CEP83: variants seen among roughly 807,000 people sequenced by gnomAD.
CEP83 encodes the protein centrosomal protein of 83 kDa.
In CEP83, 70 loss-of-function variants were observed where a neutral mutation model predicts 101.9. The ratio of observed to expected loss-of-function variants is 0.69; its 90% CI spans 0.57 to 0.84. CEP83 has a LOEUF of 0.84. Ranked by LOEUF, CEP83 falls within the 40% of genes least tolerant of loss-of-function variation. The pLI is 0.00. For missense variants in CEP83, 715 were observed against 787.2 expected, an observed-to-expected ratio of 0.91 and a Z score of 1.10; for synonymous variants, 264 against 267.9, an observed-to-expected ratio of 0.99 and a Z score of 0.14.
chr12:94,362,836 T>C (rs2040963685), intron 11 of CEP83, among the ~76,000 whole-genome samples: 1 of 152,200 alleles, frequency 6.6e-6, no homozygotes, highest in Non-Finnish European at 1.5e-5. Context: ...ATATAAACAA[T>C]GGAATACTAT....
At chr12:94,441,914 C>CAAAAAAA (rs370968833) in intron 1 of CEP83, among the ~76,000 whole-genome samples, 3 of 61,810 alleles carry the variant, frequency 4.9e-5, no homozygotes, top group Non-Finnish European at 6.4e-5. Context: ...GACTCCGTCT[C>CAAAAAAA]AAAAAAAAAA....
chr12:94,380,574 C>T (rs561802843), intron 6 of CEP83, among the ~76,000 whole-genome samples: 64 of 152,250 alleles, frequency 4.2e-4, no homozygotes, highest in African/African-American at 1.5e-3. Context: ...CTTGGGCTAG[C>T]TGATCTTTAA....
chr12:94,360,197 T>C (rs2060681446), intron 11 of CEP83, among the ~76,000 whole-genome samples: 1 of 151,956 alleles, frequency 6.6e-6, no homozygotes, highest in Non-Finnish European at 1.5e-5. Flanking sequence ...TTGAAAGCTT[T>C]TCCCCTAAGA....
chr12:94,270,442 A>G, the CEP83 span, among the ~76,000 whole-genome samples: 1 of 152,208 alleles, frequency 6.6e-6, no homozygotes, highest in Non-Finnish European at 1.5e-5. Flanking sequence ...TTGACATAGT[A>G]GAGAATAGGA....
intron 11 of CEP83, among the ~76,000 whole-genome samples, chr12:94,355,449 C>T (rs1477328626): frequency 1.3e-5 from 2 of 152,086 alleles, no homozygotes; most frequent in Non-Finnish European, 2.9e-5. Context: ...GCAGATCGCA[C>T]CACTGCACTC....
chr12:94,409,275 A>G (rs1482428428), intron 4 of CEP83, among the ~76,000 whole-genome samples: 2 of 152,056 alleles, frequency 1.3e-5, no homozygotes, highest in Non-Finnish European at 2.9e-5. Flanking sequence ...TCACACAGAA[A>G]CTAGATATGT....
intron 8 of CEP83, among the ~76,000 whole-genome samples, chr12:94,370,551 A>AT (rs2061254332): frequency 6.6e-6 from 1 of 152,038 alleles, no homozygotes; most frequent in Non-Finnish European, 1.5e-5. Context: ...TAATTTTTCA[A>AT]TTTTTTTGTA....
intron 11 of CEP83, among the ~76,000 whole-genome samples, chr12:94,338,783 CT>C (rs900459608): frequency 6.6e-5 from 10 of 151,998 alleles, no homozygotes; most frequent in African/African-American, 2.4e-4. Flanking sequence ...AGTAGGTGAA[CT>C]GGAGGGCCAA....
chr12:94,409,802 A>G (rs1593812985), intron 4 of CEP83, among the ~76,000 whole-genome samples: 1 of 152,202 alleles, frequency 6.6e-6, no homozygotes, highest in East Asian at 1.9e-4. Context: ...CTCTGCCTCC[A>G]CCATCACATA....
intron 9 of CEP83, 187 bp downstream of exon 9, chr12:94,369,735 A>G (rs2061205331): frequency 4.7e-6 from 2 of 423,372 alleles, no homozygotes; most frequent in South Asian, 1.1e-4. Context: ...TGATTTTTTT[A>G]AAGTTATTAA....
intron 11 of CEP83, among the ~76,000 whole-genome samples, chr12:94,359,218 C>T (rs566510425): frequency 6.6e-6 from 1 of 152,308 alleles, no homozygotes; most frequent in East Asian, 1.9e-4. Context: ...CAGGGGATTT[C>T]CCACTTCACA....
At chr12:94,301,040 G>C in the CEP83 span, 7 of 1,613,674 alleles carry the variant, frequency 4.3e-6, no homozygotes, top group Non-Finnish European at 5.9e-6. Context: ...TTCTCTCACA[G>C]AGCAGCAACT....
intron 6 of CEP83, among the ~76,000 whole-genome samples, chr12:94,399,550 A>G (rs1302543466): frequency 6.6e-6 from 1 of 152,040 alleles, no homozygotes; most frequent in Non-Finnish European, 1.5e-5. Context: ...TCTCTACAAG[A>G]GTTTTTGTAT....
intron 11 of CEP83, among the ~76,000 whole-genome samples, chr12:94,343,687 G>A (rs1455317277): frequency 2.7e-5 from 4 of 150,214 alleles, no homozygotes; most frequent in Non-Finnish European, 5.9e-5. Flanking sequence ...TAGAGACGGG[G>A]TTTCACCTTG....
chr12:94,350,375 C>T (rs1372327888), intron 11 of CEP83, among the ~76,000 whole-genome samples: 1 of 152,118 alleles, frequency 6.6e-6, no homozygotes, highest in Non-Finnish European at 1.5e-5. Context: ...GTACCAAGGT[C>T]ATTCAATGAA....
At chr12:94,274,120 A>G in the CEP83 span, among the ~76,000 whole-genome samples, 1 of 143,410 alleles carries the variant, frequency 7.0e-6, no homozygotes, top group Non-Finnish European at 1.5e-5. Flanking sequence ...CAGGAGTTCA[A>G]GACTAGCCTG....
chr12:94,378,808 T>C lies in CEP83; in HGVS notation c.784A>G (p.Thr262Ala). 2 of 1,614,072 alleles carry C rather than the reference T, an allele frequency of 1.2e-6. No individual in the cohort carries two copies. Among genetic ancestry groups the C allele is most frequent in the Non-Finnish European group, 1.7e-6 (2 of 1,179,950 alleles). ...AATCTTACCTCCAGGGATCTGACTG[T>C]AGCCTGCATCTCAGCCAACTGCCGC... ...QVRQLAEMQA[T>A]VRSLEAEKQS... Residue 262 changes from threonine to alanine, a missense_variant, in exon 7 of 17, where the codon ACA becomes GCA. By Grantham distance (58) the Thr-to-Ala change is moderately conservative (BLOSUM62 0). Coordinates refer to ENST00000397809, the MANE Select transcript of CEP83 (RefSeq NM_016122.3).
In CEP83 at chr12:94,310,847, T is replaced by C. The variant is rs191772290; in HGVS notation, c.1812-740A>G. On this transcript the variant is annotated intron_variant, in intron 15 of 16. Transcript: ENST00000397809. ...GTGTAATATTTTAGTAAGAAATATA[T>C]ATTTGGTCTTTGCCCTTGGTTCCTG... Among the ~76,000 whole-genome samples the C allele has an allele frequency of 1.4e-4, 21 of 152,292 alleles. 1 individual carries two copies. The highest frequency in any genetic ancestry group is 1.4e-3 in the Admixed American group (21 of 15,288).
the CEP83 span, among the ~76,000 whole-genome samples, chr12:94,287,114 G>A: frequency 6.6e-6 from 1 of 152,208 alleles, no homozygotes; most frequent in African/African-American, 2.4e-5. Context: ...TGGGAGGCAG[G>A]TGCTTTCCTT....
Sources: gnomAD v4.1 joint callset for allele counts (sites outside exome capture counted in the v4.1 genomes callset) on GRCh38, gnomAD v4.1.1 for gene constraint, MANE v1.5 for transcripts, NCBI Gene and HGNC (gene_info 2026-07-23, HGNC 2026-07-21) for gene names.